Variants in OR10K1 observed in about 807,000 individuals in gnomAD.
OR10K1 encodes olfactory receptor 10K1.
For synonymous variants in OR10K1, 186 were observed against 152.5 expected, an observed-to-expected ratio of 1.22 and a Z score of -1.62; for missense variants, 404 against 373.3, an observed-to-expected ratio of 1.08 and a Z score of -0.68.
rs1471405029 is a variant in OR10K1 at position 158,465,646 on chromosome 1, G to A, written c.85G>A (p.Val29Ile). 6.2e-7 allele frequency: 1 copy of A among 1,614,136 alleles called. No individual in the cohort carries two copies. The highest frequency in any genetic ancestry group is 8.5e-7 in the Non-Finnish European group (1 of 1,180,018). Residue 29 changes from valine to isoleucine, a missense_variant, in exon 2 of 2, where the codon GTT (valine) becomes ATT (isoleucine). Transcript: ENST00000641535. The part of the protein sequence containing the change: ...SLARLQQLLF[V>I]IFLLLYLFTL... The stretch of plus-strand genomic sequence containing the variant: ...GGCCAGGCTGCAGCAGCTGCTCTTT[G>A]TTATCTTCCTGCTCCTCTACCTGTT...
rs143023872 is a variant in OR10K1 at position 158,466,076 on chromosome 1, A to G, written c.515A>G (p.Asn172Ser). 950 of 1,613,778 alleles carry G rather than the reference A, an allele frequency of 5.9e-4. 11 individuals are homozygous for G. The African/African-American group carries it at 9.9e-3, about 17-fold the overall frequency. The change falls in exon 2 of 2, where the codon AAC becomes AGC. Residue 172 changes from asparagine to serine, a missense_variant. Transcript: ENST00000641535. ...LVFHLPFHSSNQLHHFFCDIS... is the reference protein window; with the variant it reads ...LVFHLPFHSSSQLHHFFCDIS... ...TTTCATCTGCCCTTCCACTCCTCCA[A>G]CCAGCTCCATCACTTCTTCTGTGAC... is the stretch of plus-strand genomic sequence containing the variant.
Position 158,465,792 on chromosome 1 carries a change from T to C in OR10K1, c.231T>C (p.Ile77=), listed in dbSNP as rs145516678. 9 of 1,614,130 alleles carry C rather than the reference T, an allele frequency of 5.6e-6. No individual in the cohort carries two copies. The Middle Eastern group carries it at 4.9e-4, about 88-fold the overall frequency. The change falls in exon 2 of 2, where the codon ATT becomes ATC. Residue 77 remains isoleucine (I), a synonymous_variant. Transcript: ENST00000641535. ...CTGAGATTTGCTATACCTTTGTCAT[T>C]GTACCCAAGATGCTGGTTGACCTGC... is the stretch of plus-strand genomic sequence containing the variant. ...SCSEICYTFV[I]VPKMLVDLLS...
In OR10K1 at chr1:158,466,231, G is replaced by T; in HGVS notation, c.670G>T (p.Ala224Ser). 6.2e-7 allele frequency: 1 copy of T among 1,614,078 alleles called. No homozygotes were observed. Among genetic ancestry groups the T allele is most frequent in the African/African-American group, 1.3e-5 (1 of 75,020 alleles). ...ILVSYIRIIS[A>S]ILKIPSSVGR... ...AGTCTCCTACATCCGCATCATCTCTGCCATTCTAAAAATCCCTTCCTCCGT... is the reference window on the plus strand; with the variant it reads ...AGTCTCCTACATCCGCATCATCTCTTCCATTCTAAAAATCCCTTCCTCCGT... The change falls in exon 2 of 2, where the codon GCC (alanine) becomes TCC (serine). Residue 224 changes from alanine to serine, a missense_variant. Ala to Ser is a moderately conservative substitution (Grantham distance 99, BLOSUM62 1). Coordinates refer to ENST00000641535, the MANE Select transcript of OR10K1 (RefSeq NM_001004473.2).
chr1:158,466,700 G>T lies in OR10K1; in HGVS notation c.*197G>T. On this transcript the variant is annotated 3_prime_UTR_variant, in exon 2 of 2. Transcript: ENST00000641535. ...CTTTAACAAGACTAATCAGATATGG[G>T]AACAGAGCACACAGTTCCATAACAA... 1.7e-6 allele frequency: 1 copy of T among 579,828 alleles called. No individual in the cohort carries two copies. Among genetic ancestry groups the T allele is most frequent in the Non-Finnish European group, 3.0e-6 (1 of 328,952 alleles). 35.9% of individuals were successfully genotyped at this position (579,828 alleles called of 1,614,324 possible). A position where few individuals can be genotyped will look rare whatever the true frequency, so the allele number is the denominator to read the frequency against.
chr1:158,465,642 C>T lies in OR10K1; in HGVS notation c.81C>T (p.Leu27=). The part of the protein sequence containing the change: ...FSSLARLQQL[L]FVIFLLLYLF... Reference sequence around the variant, plus strand: ...CCCTGGCCAGGCTGCAGCAGCTGCTCTTTGTTATCTTCCTGCTCCTCTACC... The same window carrying T: ...CCCTGGCCAGGCTGCAGCAGCTGCTTTTTGTTATCTTCCTGCTCCTCTACC... Residue 27 remains leucine (L), a synonymous_variant, in exon 2 of 2, where the codon CTC becomes CTT. Transcript: ENST00000641535. 1 of 1,614,118 alleles carries T rather than the reference C, an allele frequency of 6.2e-7. No homozygotes were observed. Among genetic ancestry groups the T allele is most frequent in the African/African-American group, 1.3e-5 (1 of 75,022 alleles).
rs1656035579 is a variant in OR10K1, at chr1:158,466,185, C to T, written c.624C>T (p.Val208=). 5.0e-6 allele frequency: 8 copies of T among 1,614,112 alleles called. No individual in the cohort carries two copies. Among genetic ancestry groups the T allele is most frequent in the East Asian group, 4.5e-5 (2 of 44,884 alleles). The stretch of plus-strand genomic sequence containing the variant: ...TCATGCTTGGTGTATTTGCCTTGGT[C>T]ATTCCTCTGCTACTTATCCTAGTCT... ...VIFMLGVFAL[V]IPLLLILVSY... Residue 208 remains valine (V), a synonymous_variant, in exon 2 of 2, where the codon GTC becomes GTT. Coordinates refer to ENST00000641535, the MANE Select transcript of OR10K1 (RefSeq NM_001004473.2).
In OR10K1 at chr1:158,466,371, A is replaced by ATTAGGGTGTAT. The variant is rs1490940207; in HGVS notation, c.810_811insTTAGGGTGTAT (p.Asp271LeufsTer7). ...CCAAGACTAATTACACTTCAAGCCA[A>ATTAGGGTGTAT]GACACCCTAATATCTGTGTCATACA... On this transcript the variant is annotated frameshift_variant, in exon 2 of 2. Coordinates refer to ENST00000641535, the MANE Select transcript of OR10K1 (RefSeq NM_001004473.2). LOFTEE classifies it low-confidence loss of function (END_TRUNC). 2 of 1,613,888 alleles carry ATTAGGGTGTAT rather than the reference A, an allele frequency of 1.2e-6. No individual in the cohort carries two copies. The highest frequency in any genetic ancestry group is 8.5e-7 in the Non-Finnish European group (1 of 1,179,860).
chr1:158,464,474 C>G (rs1655991080), intron 1 of OR10K1, among the ~76,000 whole-genome samples: 1 of 152,096 alleles, frequency 6.6e-6, no homozygotes, highest in Non-Finnish European at 1.5e-5. Context: ...GTCATTTCTA[C>G]AAAACTCTTA....
chr1:158,461,856 A>C lies in OR10K1; in HGVS notation c.-205A>C, dbSNP rs1239871717. The C allele has an allele frequency of 2.0e-5, 3 of 152,458 alleles. No homozygotes were observed. The highest frequency in any genetic ancestry group is 7.2e-5 in the African/African-American group (3 of 41,460). The allele number at this position is 152,458 out of a possible 1,614,324, so 9.4% of individuals were successfully genotyped here. On this transcript the variant is annotated 5_prime_UTR_variant, in exon 1 of 2. The change abolishes the stop of an existing upstream ORF in the 5' untranslated region. Coordinates refer to ENST00000641535, the MANE Select transcript of OR10K1 (RefSeq NM_001004473.2). ...GGACTTGAATGATGGGTAGTGTTTGAGAAAGCCTCTTTCTGTGCCTCCCAT... is the reference window on the plus strand; with the variant it reads ...GGACTTGAATGATGGGTAGTGTTTGCGAAAGCCTCTTTCTGTGCCTCCCAT...
At position 158,467,181 on chromosome 1, in the gene OR10K1, C is replaced by T. The variant is rs776071898; in HGVS notation, c.*678C>T. On this transcript the variant is annotated 3_prime_UTR_variant, in exon 2 of 2. Coordinates refer to ENST00000641535, the MANE Select transcript of OR10K1 (RefSeq NM_001004473.2). ...TCCTGAGACACCATACTAATTTGCT[C>T]TCTTCAAGGAAGCTACTAGCATTGC... 2 of 152,128 alleles carry T rather than the reference C, an allele frequency of 1.3e-5. No homozygotes were observed. Among genetic ancestry groups the T allele is most frequent in the African/African-American group, 2.4e-5 (1 of 41,414 alleles). The allele number at this position is 152,128 out of a possible 1,614,324, so 9.4% of individuals were successfully genotyped here. A position where few individuals can be genotyped will look rare whatever the true frequency, so the allele number is the denominator to read the frequency against.
rs777951107 is a variant in OR10K1, at chr1:158,465,836, T to C, written c.275T>C (p.Ile92Thr). ...LVDLLSQKKT[I>T]SFLGCAIQMF... ...GACCTGCTGTCCCAGAAGAAGACCA[T>C]TTCTTTCCTGGGCTGTGCCATCCAA... is the stretch of plus-strand genomic sequence containing the variant. Residue 92 changes from isoleucine to threonine, a missense_variant, in exon 2 of 2, where the codon ATT (isoleucine) becomes ACT (threonine). Physicochemically the swap from Ile to Thr is moderately conservative, Grantham distance 89. Transcript: ENST00000641535. 4.3e-6 allele frequency: 7 copies of C among 1,614,092 alleles called. No homozygotes were observed. Among genetic ancestry groups the C allele is most frequent in the South Asian group, 2.2e-5 (2 of 91,088 alleles).
Position 158,465,435 on chromosome 1 carries a change from C to T in OR10K1, c.-127C>T. ...CATTTTAATGGGGGAATGAAGAATT[C>T]CATCAAATATCTGGAAATGCCTGCC... On this transcript the variant is annotated 5_prime_UTR_variant, in exon 2 of 2. Coordinates refer to ENST00000641535, the MANE Select transcript of OR10K1 (RefSeq NM_001004473.2). The T allele has an allele frequency of 1.4e-6, 1 of 709,152 alleles. No individual in the cohort carries two copies. The highest frequency in any genetic ancestry group is 2.4e-6 in the Non-Finnish European group (1 of 423,560). 43.9% of individuals were successfully genotyped at this position (709,152 alleles called of 1,614,324 possible).
At chr1:158,464,594 AAAG>A (rs1655993269) in intron 1 of OR10K1, among the ~76,000 whole-genome samples, 1 of 152,148 alleles carries the variant, frequency 6.6e-6, no homozygotes, top group Non-Finnish European at 1.5e-5. Flanking sequence ...TCTCTTCCTG[AAAG>A]AAGAATTTTT....
Position 158,466,465 on chromosome 1 carries a change from C to G in OR10K1, c.904C>G (p.Arg302Gly). ...LRNKEFKSALRRTIGQTFYPL... is the reference protein window; with the variant it reads ...LRNKEFKSALGRTIGQTFYPL... Reference sequence around the variant, plus strand: ...AAATAAGGAATTCAAATCAGCCCTACGAAGAACAATCGGCCAAACTTTCTA... The same window carrying G: ...AAATAAGGAATTCAAATCAGCCCTAGGAAGAACAATCGGCCAAACTTTCTA... Residue 302 changes from arginine (R) to glycine (G), a missense_variant, in exon 2 of 2, where the codon CGA becomes GGA. Physicochemically the swap from Arg to Gly is moderately radical, Grantham distance 125 (BLOSUM62 -2). Transcript: ENST00000641535. 5.0e-6 allele frequency: 8 copies of G among 1,613,984 alleles called. No individual in the cohort carries two copies. The highest frequency in any genetic ancestry group is 6.8e-6 in the Non-Finnish European group (8 of 1,179,914).
chr1:158,464,488 C>T, intron 1 of OR10K1, among the ~76,000 whole-genome samples: 1 of 152,132 alleles, frequency 6.6e-6, no homozygotes. Context: ...ACTCTTATTT[C>T]TCTGAGTTTC....
chr1:158,466,917 A>G lies in OR10K1; in HGVS notation c.*414A>G, dbSNP rs1195750000. ...AAGGAAAACAGCAGGAAATCCATCT[A>G]TCCGTACTTTTCTTTTCCTAAAGAC... On this transcript the variant is annotated 3_prime_UTR_variant, in exon 2 of 2. Transcript: ENST00000641535. 6.4e-6 allele frequency: 1 copy of G among 156,752 alleles called. No individual in the cohort carries two copies. Among genetic ancestry groups the G allele is most frequent in the African/African-American group, 2.4e-5 (1 of 41,432 alleles). The allele number at this position is 156,752 out of a possible 1,614,324, so 9.7% of individuals were successfully genotyped here. A position where few individuals can be genotyped will look rare whatever the true frequency, so the allele number is the denominator to read the frequency against.
At chr1:158,463,050 A>T (rs1415438928) in intron 1 of OR10K1, among the ~76,000 whole-genome samples, 1 of 152,168 alleles carries the variant, frequency 6.6e-6, no homozygotes, top group Non-Finnish European at 1.5e-5. Flanking sequence ...TAAAATGTTC[A>T]GGGATCCTCT....
rs1450320870 is a variant in OR10K1 at position 158,467,136 on chromosome 1, G to C, written c.*633G>C. On this transcript the variant is annotated 3_prime_UTR_variant, in exon 2 of 2. Coordinates refer to ENST00000641535, the MANE Select transcript of OR10K1 (RefSeq NM_001004473.2). ...ATGTATGTCCTTCACATACTAGTGTGTCTTAGCCCCCACATTTGTTCCTGA... is the reference window on the plus strand; with the variant it reads ...ATGTATGTCCTTCACATACTAGTGTCTCTTAGCCCCCACATTTGTTCCTGA... 2 of 152,220 alleles carry C rather than the reference G, an allele frequency of 1.3e-5. No individual in the cohort carries two copies. Among genetic ancestry groups the C allele is most frequent in the African/African-American group, 4.8e-5 (2 of 41,414 alleles). 9.4% of individuals were successfully genotyped at this position (152,220 alleles called of 1,614,324 possible). A position where few individuals can be genotyped will look rare whatever the true frequency, so the allele number is the denominator to read the frequency against.
Position 158,466,532 on chromosome 1 carries a change from A to G in OR10K1, c.*29A>G. Reference sequence around the variant, plus strand: ...GCTATTTTTTAAACTACTAATGCCTAGTACATGCCAGGCAGAACGTGTGTT... The same window carrying G: ...GCTATTTTTTAAACTACTAATGCCTGGTACATGCCAGGCAGAACGTGTGTT... On this transcript the variant is annotated 3_prime_UTR_variant, in exon 2 of 2. Coordinates refer to ENST00000641535, the MANE Select transcript of OR10K1 (RefSeq NM_001004473.2). 7.5e-7 allele frequency: 1 copy of G among 1,331,590 alleles called. No individual in the cohort carries two copies. 82.5% of individuals were successfully genotyped at this position (1,331,590 alleles called of 1,614,324 possible). A position where few individuals can be genotyped will look rare whatever the true frequency, so the allele number is the denominator to read the frequency against.
Sources: allele counts gnomAD v4.1 joint callset (sites outside exome capture counted in the v4.1 genomes callset), GRCh38; gene constraint gnomAD v4.1.1; transcripts MANE v1.5; gene names NCBI Gene and HGNC (gene_info 2026-07-23, HGNC 2026-07-21).